Variants in UNC5D observed in about 807,000 individuals in gnomAD.
UNC5D encodes unc-5 netrin receptor D.
A neutral mutation model predicts 105.4 loss-of-function variants in UNC5D; 39 were observed. That is an observed-to-expected ratio of 0.37 (90% confidence interval 0.29 to 0.48). The LOEUF (loss-of-function observed/expected upper bound fraction) is 0.48, where lower values mean the gene tolerates loss of function less well. Among genes scored for constraint, UNC5D ranks in the 20% least tolerant of loss-of-function variants. The pLI is 0.98. For synonymous variants in UNC5D, 452 were observed against 450.4 expected (o/e 1.00, Z -0.04); for missense variants, 991 against 1,202.4 (o/e 0.82, Z 2.60).
intron 15 of UNC5D, 45 bp downstream of exon 15, chr8:35,767,111 C>A: frequency 6.4e-7 from 1 of 1,555,684 alleles, no homozygotes; most frequent in South Asian, 1.2e-5. Context: ...TTCTGAAGGA[C>A]GATAAGAATA....
chr8:35,357,006 G>C (rs1801596050), intron 1 of UNC5D, among the ~76,000 whole-genome samples: 2 of 151,970 alleles, frequency 1.3e-5, no homozygotes, highest in African/African-American at 4.8e-5. Flanking sequence ...AACATTTTCA[G>C]ACCAAGATTG....
At chr8:35,775,175 C>G (rs1563753986) in intron 16 of UNC5D, among the ~76,000 whole-genome samples, 1 of 152,128 alleles carries the variant, frequency 6.6e-6, no homozygotes, top group East Asian at 1.9e-4. Context: ...CCTAAGCATT[C>G]TTTAACCCTT....
At chr8:35,584,356 C>T (rs977603977) in intron 3 of UNC5D, among the ~76,000 whole-genome samples, 2 of 151,792 alleles carry the variant, frequency 1.3e-5, no homozygotes, top group Non-Finnish European at 2.9e-5. Context: ...TGAAATAACT[C>T]AGAGGAAAGA....
chr8:35,641,366 C>CAAAAAAAAAAAAAAAAAAGA (rs1822707866), intron 4 of UNC5D, among the ~76,000 whole-genome samples: 115 of 44,286 alleles, frequency 2.6e-3, no homozygotes, highest in African/African-American at 3.4e-3. Context: ...AAAAATAAAG[C>CAAAAAAAAAAAAAAAAAAGA]AAAAAAAAAA....
intron 1 of UNC5D, among the ~76,000 whole-genome samples, chr8:35,401,439 C>T (rs1037904965): frequency 5.1e-4 from 77 of 152,044 alleles, no homozygotes; most frequent in African/African-American, 1.7e-3. Context: ...AGCCGAGATC[C>T]GGCCACTGCA....
chr8:35,528,128 G>A (rs1814030483), intron 1 of UNC5D, among the ~76,000 whole-genome samples: 1 of 143,534 alleles, frequency 7.0e-6, no homozygotes, highest in Non-Finnish European at 1.5e-5. Context: ...CATGTGCCAT[G>A]CTGGTGTGCT....
chr8:35,603,679 A>C (rs1820055466), intron 4 of UNC5D, among the ~76,000 whole-genome samples: 1 of 152,134 alleles, frequency 6.6e-6, no homozygotes, highest in African/African-American at 2.4e-5. Context: ...TGGGAGTCTA[A>C]GTCTGTTTCT....
chr8:35,509,272 A>G (rs1032500852), intron 1 of UNC5D, among the ~76,000 whole-genome samples: 8 of 151,734 alleles, frequency 5.3e-5, no homozygotes, highest in Non-Finnish European at 1.0e-4. Context: ...CCTGTGCACC[A>G]ATCAAAGAAA....
intron 1 of UNC5D, among the ~76,000 whole-genome samples, chr8:35,305,527 G>A (rs1038880954): frequency 2.0e-5 from 3 of 148,902 alleles, no homozygotes; most frequent in South Asian, 2.1e-4. Context: ...ACTTTTGGGC[G>A]AAATTCCTTT....
At chr8:35,309,656 T>A (rs533019413) in intron 1 of UNC5D, among the ~76,000 whole-genome samples, 73 of 152,322 alleles carry the variant, frequency 4.8e-4, no homozygotes, top group African/African-American at 1.6e-3. Context: ...AGAATTCCTA[T>A]GAACCATTTC....
chr8:35,538,109 A>G (rs573690754), intron 1 of UNC5D, among the ~76,000 whole-genome samples: 1 of 152,132 alleles, frequency 6.6e-6, no homozygotes, highest in African/African-American at 2.4e-5. Flanking sequence ...AATGTAACCA[A>G]CCTAGGATTT....
At chr8:35,426,591 T>C (rs1183243996) in intron 1 of UNC5D, among the ~76,000 whole-genome samples, 1 of 152,218 alleles carries the variant, frequency 6.6e-6, no homozygotes, top group Non-Finnish European at 1.5e-5. Flanking sequence ...CAGTAAAATA[T>C]CCTGCAGTTG....
intron 1 of UNC5D, chr8:35,544,618 T>TC: frequency 7.2e-7 from 1 of 1,397,262 alleles, no homozygotes; most frequent in Non-Finnish European, 9.6e-7. Context: ...TTTTTTTTTT[T>TC]TTGAGACAGA....
intron 2 of UNC5D, among the ~76,000 whole-genome samples, chr8:35,563,597 A>G (rs1259173156): frequency 1.3e-5 from 2 of 152,068 alleles, no homozygotes; most frequent in Admixed American, 1.3e-4. Context: ...CTCCAAATGG[A>G]TGCCTTTTAT....
At position 35,413,253 on chromosome 8, in the gene UNC5D, G is replaced by A. The variant is rs185635060; in HGVS notation, c.104-136039G>A. Among the ~76,000 whole-genome samples the A allele has an allele frequency of 3.8e-4, 43 of 114,544 alleles. 1 individual carries two copies. The South Asian group carries it at 0.012, about 32-fold the overall frequency. 75.1% of individuals were successfully genotyped at this position (114,544 alleles called of 152,430 possible). On this transcript the variant is annotated intron_variant, in intron 1 of 16. Transcript: ENST00000404895. The stretch of plus-strand genomic sequence containing the variant: ...TCAGAATTCCTAATCAGGTGGGGGC[G>A]GGTCTGTGTGTGTGTGTGTGTGTGT...
intron 1 of UNC5D, among the ~76,000 whole-genome samples, chr8:35,348,357 T>G (rs1811953609): frequency 6.6e-6 from 1 of 151,950 alleles, no homozygotes. Context: ...TGGAATGTTC[T>G]TAGGCACAGT....
At chr8:35,565,129 A>G (rs1817245344) in intron 2 of UNC5D, among the ~76,000 whole-genome samples, 2 of 152,174 alleles carry the variant, frequency 1.3e-5, no homozygotes, top group Admixed American at 6.5e-5. Context: ...TACTGGATCA[A>G]GTGGTAGATC....
At chr8:35,525,217 G>C (rs1039998523) in intron 1 of UNC5D, 92 of 1,611,508 alleles carry the variant, frequency 5.7e-5, no homozygotes, top group Non-Finnish European at 7.2e-5. Context: ...TGCTGGGCTT[G>C]TGAACGTTGC....
intron 4 of UNC5D, among the ~76,000 whole-genome samples, chr8:35,595,890 A>G (rs1722335425): frequency 6.6e-6 from 1 of 152,306 alleles, no homozygotes. Context: ...CAGCCTGGGT[A>G]GGATTTGACC....
Sources: allele counts gnomAD v4.1 joint callset (sites outside exome capture counted in the v4.1 genomes callset), GRCh38; gene constraint gnomAD v4.1.1; transcripts MANE v1.5; gene names NCBI Gene and HGNC (gene_info 2026-07-23, HGNC 2026-07-21).